The following BMERB1 variants were observed in gnomAD, a reference collection of about 807,000 sequenced individuals.
The protein encoded by BMERB1 is bMERB domain containing 1, also known as bMERB domain-containing protein 1.
Under a neutral mutation model 23.6 loss-of-function variants are expected in BMERB1, and 12 were observed. The observed-to-expected ratio is 0.51, with a 90% CI of 0.33 to 0.82. The LOEUF is 0.82. Ranked by LOEUF, BMERB1 falls within the 40% of genes least tolerant of loss-of-function variation. The pLI, the probability that BMERB1 is intolerant of heterozygous loss-of-function variation, is 0.03. For synonymous variants in BMERB1, 122 were observed against 96.6 expected (o/e 1.26, Z -1.54); for missense variants, 247 against 255.4 (o/e 0.97, Z 0.22).
chr16:15,541,599 A>ATTTTTTT (rs962962059), intron 2 of BMERB1, among the ~76,000 whole-genome samples: 7 of 87,854 alleles, frequency 8.0e-5, no homozygotes, highest in Non-Finnish European at 1.2e-4. Flanking sequence ...CTAATTTTTA[A>ATTTTTTT]TTTTTTTTTT....
At position 15,462,137 on chromosome 16, in the gene BMERB1, C is replaced by CTTTTT. The variant is rs71152431; in HGVS notation, c.106+27406_106+27410dup. Among the ~76,000 whole-genome samples the CTTTTT allele has an allele frequency of 7.0e-5, 4 of 56,960 alleles. 1 individual carries two copies. The highest frequency in any genetic ancestry group is 5.6e-4 in the East Asian group (1 of 1,780). The allele number at this position is 56,960 out of a possible 152,430, so 37.4% of individuals were successfully genotyped here. A position where few individuals can be genotyped will look rare whatever the true frequency, so the allele number is the denominator to read the frequency against. Reference sequence around the variant, plus strand: ...ATTCAAAGTTAACTGGATGTCCTGCCTTTTTTTTTTTTTTTTTTTTTTTTT... The same window carrying CTTTTT: ...ATTCAAAGTTAACTGGATGTCCTGCCTTTTTTTTTTTTTTTTTTTTTTTTTTTTTT... On this transcript the variant is annotated intron_variant, in intron 1 of 5. Transcript: ENST00000300006.
chr16:15,523,262 C>T (rs751561606), intron 2 of BMERB1, among the ~76,000 whole-genome samples: 3 of 152,154 alleles, frequency 2.0e-5, no homozygotes, highest in African/African-American at 7.2e-5. Context: ...TCTTCTTTGC[C>T]GATCTGCAGC....
intron 1 of BMERB1, among the ~76,000 whole-genome samples, chr16:15,435,115 G>A (rs536306936): frequency 6.6e-6 from 1 of 152,222 alleles, no homozygotes; most frequent in Non-Finnish European, 1.5e-5. Context: ...CCTGGGATGC[G>A]CCAGGGCGCT....
chr16:15,573,055 G>A (rs757752339), intron 3 of BMERB1, among the ~76,000 whole-genome samples: 4 of 152,286 alleles, frequency 2.6e-5, no homozygotes, highest in Middle Eastern at 6.8e-3. Flanking sequence ...CCAGTTGCGG[G>A]TATGTTTTTA....
At chr16:15,438,338 C>T (rs1037747196) in intron 1 of BMERB1, among the ~76,000 whole-genome samples, 2 of 151,432 alleles carry the variant, frequency 1.3e-5, no homozygotes, top group Non-Finnish European at 2.9e-5. Context: ...CCACCCACCT[C>T]AGCCTTCCAA....
chr16:15,551,520 G>T (rs775214189), intron 2 of BMERB1, among the ~76,000 whole-genome samples: 1 of 152,172 alleles, frequency 6.6e-6, no homozygotes, highest in African/African-American at 2.4e-5. Flanking sequence ...AAGGAGAAGG[G>T]ATTAGTGAAG....
chr16:15,512,038 A>AAAAAAAAT (rs1555509799), intron 1 of BMERB1, among the ~76,000 whole-genome samples: 1 of 148,298 alleles, frequency 6.7e-6, no homozygotes, highest in Admixed American at 6.7e-5. Flanking sequence ...AAAAAAAAAA[A>AAAAAAAAT]GGGGGAATTG....
chr16:15,587,847 T>TGTGA lies in BMERB1; in HGVS notation c.*1019_*1022dup. ...GCAACAGCCAGCCCGGTACAGCCTGTGTGACTTCTCTGTATGTGTGTGTGT... is the reference window on the plus strand; with the variant it reads ...GCAACAGCCAGCCCGGTACAGCCTGTGTGAGTGACTTCTCTGTATGTGTGTGTGT... On this transcript the variant is annotated 3_prime_UTR_variant, in exon 6 of 6. Coordinates refer to ENST00000300006, the MANE Select transcript of BMERB1 (RefSeq NM_033201.3). 4.7e-6 allele frequency: 1 copy of TGTGA among 213,098 alleles called. No individual in the cohort carries two copies. The highest frequency in any genetic ancestry group is 4.9e-5 in the South Asian group (1 of 20,340). 13.2% of individuals were successfully genotyped at this position (213,098 alleles called of 1,614,324 possible).
chr16:15,584,396 A>C (rs946241846), intron 5 of BMERB1, among the ~76,000 whole-genome samples: 2 of 152,042 alleles, frequency 1.3e-5, no homozygotes, highest in Admixed American at 1.3e-4. Context: ...GTCTCTACTA[A>C]AAATACAAAA....
chr16:15,567,678 G>A (rs1434889224), intron 2 of BMERB1, among the ~76,000 whole-genome samples: 1 of 152,042 alleles, frequency 6.6e-6, no homozygotes, highest in East Asian at 1.9e-4. Context: ...CAGGAGAATC[G>A]CTTGAACCCG....
chr16:15,570,713 G>T (rs1287801301), intron 3 of BMERB1, among the ~76,000 whole-genome samples: 1 of 150,924 alleles, frequency 6.6e-6, no homozygotes, highest in Non-Finnish European at 1.5e-5. Flanking sequence ...GTAGCAGCTT[G>T]GGCTCCTCGA....
At chr16:15,486,255 G>A (rs2051367516) in intron 1 of BMERB1, among the ~76,000 whole-genome samples, 1 of 151,286 alleles carries the variant, frequency 6.6e-6, no homozygotes, top group East Asian at 1.9e-4. Flanking sequence ...TTACGTTTGA[G>A]GATTCTTTTG....
intron 1 of BMERB1, among the ~76,000 whole-genome samples, chr16:15,480,833 C>T (rs935474021): frequency 3.3e-5 from 5 of 151,808 alleles, no homozygotes; most frequent in Non-Finnish European, 7.4e-5. Flanking sequence ...AGGATGGTTT[C>T]GATCTCTTGA....
intron 2 of BMERB1, among the ~76,000 whole-genome samples, chr16:15,555,785 T>C (rs2033858320): frequency 6.6e-6 from 1 of 152,202 alleles, no homozygotes; most frequent in South Asian, 2.1e-4. Flanking sequence ...TATCAACACT[T>C]ATCCTTACCC....
chr16:15,511,116 G>A lies in BMERB1; in HGVS notation c.107-4189G>A, dbSNP rs117203915. ...GGTGTCAGGGACAGTAGTAGGACCC[G>A]AAATTGGATTCCAGGGGCCTTGAAG... On this transcript the variant is annotated intron_variant, in intron 1 of 5. Coordinates refer to ENST00000300006, the MANE Select transcript of BMERB1 (RefSeq NM_033201.3). Among the ~76,000 whole-genome samples, 1,108 of 152,166 alleles carry A rather than the reference G, an allele frequency of 7.3e-3. 12 individuals are homozygous for A. Among genetic ancestry groups the A allele is most frequent in the Non-Finnish European group, 0.011 (727 of 68,004 alleles).
At chr16:15,570,397 G>C (rs945638045) in intron 3 of BMERB1, among the ~76,000 whole-genome samples, 6 of 152,152 alleles carry the variant, frequency 3.9e-5, no homozygotes, top group African/African-American at 1.4e-4. Context: ...TTCAACTATT[G>C]ACATTTGGGG....
At chr16:15,490,437 C>G (rs1269327654) in intron 1 of BMERB1, among the ~76,000 whole-genome samples, 1 of 152,128 alleles carries the variant, frequency 6.6e-6, no homozygotes, top group African/African-American at 2.4e-5. Context: ...CATATGCCAC[C>G]ACACCTAGCT....
chr16:15,455,744 G>A (rs1312696001), intron 1 of BMERB1, among the ~76,000 whole-genome samples: 1 of 152,136 alleles, frequency 6.6e-6, no homozygotes, highest in Non-Finnish European at 1.5e-5. Flanking sequence ...TTACAGGCAT[G>A]AGCCACCGCG....
chr16:15,468,037 C>G (rs1212738826), intron 1 of BMERB1, among the ~76,000 whole-genome samples: 4 of 151,194 alleles, frequency 2.6e-5, no homozygotes, highest in Non-Finnish European at 5.9e-5. Context: ...ATTCTGCAGT[C>G]AAAGCCTCTG....
Sources: allele counts gnomAD v4.1 joint callset (sites outside exome capture counted in the v4.1 genomes callset), GRCh38; gene constraint gnomAD v4.1.1; transcripts MANE v1.5; gene names NCBI Gene and HGNC (gene_info 2026-07-23, HGNC 2026-07-21).